MEF2B: variants seen among roughly 807,000 people sequenced by gnomAD.
MEF2B encodes the protein myocyte-specific enhancer factor 2B.
A neutral mutation model predicts 32.2 loss-of-function variants in MEF2B; 15 were observed. The ratio of observed to expected loss-of-function variants is 0.47; its 90% confidence interval spans 0.31 to 0.72. The LOEUF is 0.72. MEF2B is among the 30% of genes least tolerant of loss of function. The pLI, the probability that MEF2B is intolerant of heterozygous loss-of-function variation, is 0.05. For synonymous variants in MEF2B, 205 were observed against 225.6 expected, an observed-to-expected ratio of 0.91 and a Z score of 0.82; for missense variants, 441 against 511.5, an observed-to-expected ratio of 0.86 and a Z score of 1.33.
At chr19:19,156,783 C>G (rs1328661717) in intron 1 of MEF2B, among the ~76,000 whole-genome samples, 1 of 152,144 alleles carries the variant, frequency 6.6e-6, no homozygotes, top group East Asian at 1.9e-4. Context: ...TCCCGAGTAG[C>G]TGGGATTACA....
chr19:19,152,944 C>T (rs970328052), intron 1 of MEF2B, among the ~76,000 whole-genome samples: 7 of 152,204 alleles, frequency 4.6e-5, no homozygotes, highest in African/African-American at 9.6e-5. Flanking sequence ...CCCTCAGCTC[C>T]GGCTTGACTT....
chr19:19,169,615 C>T (rs1018298236), intron 1 of MEF2B, among the ~76,000 whole-genome samples: 2 of 152,078 alleles, frequency 1.3e-5, no homozygotes, highest in South Asian at 2.1e-4. Context: ...GGACTGTGAC[C>T]GTGAAAGTAA....
At chr19:19,148,216 C>T (rs2060043757) in intron 3 of MEF2B, among the ~76,000 whole-genome samples, 1 of 152,262 alleles carries the variant, frequency 6.6e-6, no homozygotes, top group Non-Finnish European at 1.5e-5. Context: ...ACAATCCCGG[C>T]ACTTTGGGAG....
chr19:19,147,038 G>T lies in MEF2B; in HGVS notation c.539C>A (p.Pro180Gln). Residue 180 changes from proline (P) to glutamine (Q), a missense_variant and splice_region_variant, in exon 5 of 9, where the codon CCA becomes CAA. Coordinates refer to ENST00000424583, the MANE Select transcript of MEF2B (RefSeq NM_001145785.2). ...FRPAAPKAGP[P>Q]GLVHPLFSPS... Reference sequence around the variant, plus strand: ...CTGCCCCACTGTCCCATGCTCACCTGGGGGCCCGGCTTTGGGGGCTGCTGG... The same window carrying T: ...CTGCCCCACTGTCCCATGCTCACCTTGGGGCCCGGCTTTGGGGGCTGCTGG... 1.3e-6 allele frequency: 2 copies of T among 1,599,420 alleles called. No individual in the cohort carries two copies. The highest frequency in any genetic ancestry group is 1.7e-6 in the Non-Finnish European group (2 of 1,173,708).
intron 1 of MEF2B, among the ~76,000 whole-genome samples, chr19:19,154,566 C>G (rs2060107707): frequency 6.6e-6 from 1 of 152,202 alleles, no homozygotes; most frequent in South Asian, 2.1e-4. Flanking sequence ...GCTTCAGCCT[C>G]CCAAGTAGCT....
At chr19:19,162,345 C>G (rs757358368) in intron 1 of MEF2B, among the ~76,000 whole-genome samples, 28 of 152,024 alleles carry the variant, frequency 1.8e-4, no homozygotes, top group Non-Finnish European at 2.9e-4. Context: ...ATCACACTGG[C>G]TGGTCTTGAA....
chr19:19,146,213 G>GCA, intron 8 of MEF2B, 60 bp downstream of exon 8: 3 of 876,318 alleles, frequency 3.4e-6, no homozygotes, highest in Admixed American at 3.7e-5. Context: ...TGGCCACCAG[G>GCA]GGTCAGCAGC....
At chr19:19,162,504 G>C (rs959574093) in intron 1 of MEF2B, among the ~76,000 whole-genome samples, 2 of 152,186 alleles carry the variant, frequency 1.3e-5, no homozygotes, top group African/African-American at 4.8e-5. Context: ...TCTGAGGCTA[G>C]ATTTGAATGG....
At chr19:19,158,436 C>A (rs1228735007) in intron 1 of MEF2B, among the ~76,000 whole-genome samples, 3 of 114,934 alleles carry the variant, frequency 2.6e-5, no homozygotes, top group Admixed American at 8.9e-5. Context: ...CATAGTGAGA[C>A]CCTGCCCCTA....
chr19:19,146,151 G>C, intron 8 of MEF2B, 122 bp downstream of exon 8: 1 of 930,082 alleles, frequency 1.1e-6, no homozygotes, highest in Non-Finnish European at 1.5e-6. Context: ...GTCCCTCTTG[G>C]GGCCTCAAAA....
At chr19:19,159,944 G>A (rs1161481192) in intron 1 of MEF2B, among the ~76,000 whole-genome samples, 2 of 151,426 alleles carry the variant, frequency 1.3e-5, no homozygotes, top group Admixed American at 6.6e-5. Flanking sequence ...TGGGAAGAGG[G>A]TAGGGAGCAG....
In MEF2B at chr19:19,150,732, C is replaced by T. The variant is rs2146359381; in HGVS notation, c.4G>A (p.Gly2Arg). 6.2e-7 allele frequency: 1 copy of T among 1,614,014 alleles called. No homozygotes were observed. Among genetic ancestry groups the T allele is most frequent in the East Asian group, 2.2e-5 (1 of 44,860 alleles). Residue 2 changes from glycine to arginine, a missense_variant, in exon 2 of 9, where the codon GGG becomes AGG. Transcript: ENST00000424583. Reference sequence around the variant, plus strand: ...CGGGAGATCTGGATTTTTTTCCTCCCCATCGTCCCAGGCTGAGTGGAATGA... The same window carrying T: ...CGGGAGATCTGGATTTTTTTCCTCCTCATCGTCCCAGGCTGAGTGGAATGA... Reference protein sequence around the residue: MGRKKIQISRIL... With the variant: MRRKKIQISRIL...
intron 1 of MEF2B, among the ~76,000 whole-genome samples, chr19:19,152,727 T>C (rs564373414): frequency 2.6e-5 from 4 of 152,162 alleles, no homozygotes; most frequent in African/African-American, 9.6e-5. Context: ...GAAATCCAGA[T>C]TGTTCTCTGG....
intron 3 of MEF2B, among the ~76,000 whole-genome samples, chr19:19,148,653 T>G (rs1422490472): frequency 1.3e-5 from 2 of 152,036 alleles, no homozygotes; most frequent in African/African-American, 4.8e-5. Context: ...AGGCTTTAGC[T>G]TCCCATCCCA....
chr19:19,160,383 T>C (rs1413101087), intron 1 of MEF2B, among the ~76,000 whole-genome samples: 2 of 152,016 alleles, frequency 1.3e-5, no homozygotes, highest in Admixed American at 1.3e-4. Flanking sequence ...TGAAATACTG[T>C]CATCAGTCAC....
At chr19:19,165,123 G>A (rs572701462) in intron 1 of MEF2B, among the ~76,000 whole-genome samples, 2 of 152,292 alleles carry the variant, frequency 1.3e-5, no homozygotes, top group East Asian at 3.9e-4. Context: ...AGCCCCTCAG[G>A]TGCTGGGGAT....
chr19:19,158,575 T>C (rs1402807855), intron 1 of MEF2B, among the ~76,000 whole-genome samples: 1 of 140,028 alleles, frequency 7.1e-6, no homozygotes, highest in African/African-American at 2.7e-5. Context: ...CTGGGCAACA[T>C]GGCAAAGCCC....
chr19:19,164,244 A>G (rs1342782328), intron 1 of MEF2B, among the ~76,000 whole-genome samples: 3 of 152,172 alleles, frequency 2.0e-5, no homozygotes, highest in Non-Finnish European at 2.9e-5. Context: ...CTGGGATTAC[A>G]GCCGTGAGCC....
intron 1 of MEF2B, 45 bp downstream of exon 1, chr19:19,170,160 C>A (rs1039639412): frequency 2.3e-5 from 9 of 398,562 alleles, no homozygotes; most frequent in African/African-American, 1.8e-4. Flanking sequence ...CCGCAGAAGC[C>A]GTTCAGAGGA....
Sources: gnomAD v4.1 joint callset for allele counts (sites outside exome capture counted in the v4.1 genomes callset) on GRCh38, gnomAD v4.1.1 for gene constraint, MANE v1.5 for transcripts, NCBI Gene and HGNC (gene_info 2026-07-23, HGNC 2026-07-21) for gene names.